The following PRSS53 variants were observed in gnomAD, a reference collection of about 807,000 sequenced individuals.
PRSS53 encodes the protein EDTP308.
PRSS53 carries 54 observed loss-of-function variants against 62.7 expected under a neutral mutation model. That is an observed-to-expected ratio of 0.86 (90% confidence interval 0.69 to 1.08). The LOEUF is 1.08. PRSS53 is among the 50% of genes least tolerant of loss of function. The probability of loss-of-function intolerance (pLI) is 0.00; values close to 1 mark genes in which losing one functional copy is unlikely to be tolerated. For synonymous variants in PRSS53, 273 were observed against 300.0 expected (o/e 0.91, Z 0.93); for missense variants, 688 against 728.3 (o/e 0.94, Z 0.64).
rs1940102289 is a variant in PRSS53 at position 31,087,818 on chromosome 16, C to T, written c.67G>A (p.Ala23Thr). The T allele has an allele frequency of 1.9e-6, 3 of 1,613,856 alleles. No homozygotes were observed. Among genetic ancestry groups the T allele is most frequent in the Admixed American group, 1.7e-5 (1 of 60,002 alleles). ...CCCCAGACCTTACCACGCTGAGCGG[C>T]TTGAAGACCTGGGAAGAGAGAGACA... Residue 23 changes from alanine to threonine, a missense_variant, in exon 2 of 11, where the codon GCC becomes ACC. By Grantham distance (58) the Ala-to-Thr change is moderately conservative. Transcript: ENST00000280606.
chr16:31,088,786 C>G, exon 1 of PRSS53: 1 of 1,613,846 alleles, frequency 6.2e-7, no homozygotes, highest in Non-Finnish European at 8.5e-7. Flanking sequence ...CGATGAGCAG[C>G]ACTGGGCCCC....
intron 1 of PRSS53, chr16:31,088,124 C>T: frequency 7.4e-7 from 1 of 1,357,496 alleles, no homozygotes; most frequent in South Asian, 1.5e-5. Flanking sequence ...CAACTCCTGC[C>T]CCCGCCACTG....
intron 1 of PRSS53, chr16:31,088,095 C>CT: frequency 7.2e-7 from 1 of 1,387,666 alleles, no homozygotes; most frequent in Non-Finnish European, 9.3e-7. Flanking sequence ...GCCAGCCCTC[C>CT]TCCAGGCTTC....
Position 31,084,293 on chromosome 16 carries a change from A to G in PRSS53, c.1468T>C (p.Trp490Arg). 8 of 1,613,028 alleles carry G rather than the reference A, an allele frequency of 5.0e-6. No individual in the cohort carries two copies. In the South Asian group the frequency reaches 8.8e-5, roughly 18 times the overall value. ...AAGCTGTGCAGCCCGGCCAGGAACCATGTGCCCCTCACCTCATGCACCAGT... is the reference window on the plus strand; with the variant it reads ...AAGCTGTGCAGCCCGGCCAGGAACCGTGTGCCCCTCACCTCATGCACCAGT... The change falls in exon 10 of 11, where the codon TGG becomes CGG. Residue 490 changes from tryptophan to arginine, a missense_variant. By Grantham distance (101) the Trp-to-Arg change is moderately radical. Transcript: ENST00000280606.
At chr16:31,085,404 T>C in intron 6 of PRSS53, 144 bp from the exon 7 acceptor site, 1 of 1,034,240 alleles carries the variant, frequency 9.7e-7, no homozygotes, top group Non-Finnish European at 1.3e-6. Context: ...GAGACTTCCT[T>C]GCTCTGTAAC....
In PRSS53 at chr16:31,084,105, C is replaced by T. The variant is rs947831141; in HGVS notation, c.1642+14G>A. 6.4e-7 allele frequency: 1 copy of T among 1,559,852 alleles called. No homozygotes were observed. Among genetic ancestry groups the T allele is most frequent in the Non-Finnish European group, 8.7e-7 (1 of 1,152,688 alleles). On this transcript the variant is annotated intron_variant, in intron 10 of 10. Transcript: ENST00000280606. ...GAGAGGCAGGGTTTGGCAGGAGGCCCCGGGGCCACATACTTATGTTGGCCA... is the reference window on the plus strand; with the variant it reads ...GAGAGGCAGGGTTTGGCAGGAGGCCTCGGGGCCACATACTTATGTTGGCCA...
rs11150606 is a variant in PRSS53, at chr16:31,087,690, T to C, written c.89A>G (p.Gln30Arg). ...AGGCTTGGGGGGGCCGGGGCCACGC[T>C]GTCCACAGGCTGTGGAAAGGAGTTA... Residue 30 changes from glutamine to arginine, a missense_variant, in exon 3 of 11, where the codon CAG (glutamine) becomes CGG (arginine). Gln to Arg is a conservative substitution (Grantham distance 43, BLOSUM62 1). Coordinates refer to ENST00000280606, the Ensembl canonical transcript of PRSS53. The C allele has an allele frequency of 0.051, 82,234 of 1,612,712 alleles. 17,080 individuals are homozygous for C. The East Asian group carries it at 0.79, about 15-fold the overall frequency.
chr16:31,087,025 C>G (rs1023229776), intron 3 of PRSS53, 127 bp from the exon 4 acceptor site: 5 of 1,014,604 alleles, frequency 4.9e-6, no homozygotes, highest in Non-Finnish European at 7.0e-6. Flanking sequence ...GAGGTAGGGT[C>G]TCGTCCTGTC....
chr16:31,084,152 C>T (rs773320432), exon 10 of PRSS53: 31 of 1,593,814 alleles, frequency 1.9e-5, no homozygotes, highest in Middle Eastern at 3.3e-4. Flanking sequence ...GGCTCAGCCT[C>T]GGGCTCTGGT....
At position 31,088,657 on chromosome 16, in the gene PRSS53, G is replaced by A. The variant is rs1215940339; in HGVS notation, c.58+95C>T. On this transcript the variant is annotated intron_variant, in intron 1 of 10. Transcript: ENST00000280606. ...CCCACTGGTGGACTGTCGCCCACAG[G>A]CGGTCCCCCCACCAAGAAGCAGGGA... 7 of 1,591,942 alleles carry A rather than the reference G, an allele frequency of 4.4e-6. No individual in the cohort carries two copies. In the East Asian group the frequency reaches 1.6e-4, roughly 36 times the overall value.
chr16:31,087,441 T>G, intron 3 of PRSS53, 96 bp downstream of exon 3: 1 of 862,804 alleles, frequency 1.2e-6, no homozygotes, highest in East Asian at 2.6e-5. Flanking sequence ...GGTTCTTTAT[T>G]ATTACTCTAG....
chr16:31,083,850 C>A, intron 10 of PRSS53, 41 bp from the exon 11 acceptor site: 1 of 1,611,414 alleles, frequency 6.2e-7, no homozygotes, highest in Non-Finnish European at 8.5e-7. Context: ...CTCATCCTCA[C>A]GGCTTTGGTC....
At chr16:31,083,977 A>C in intron 10 of PRSS53, 142 bp downstream of exon 10, 1 of 1,500,494 alleles carries the variant, frequency 6.7e-7, no homozygotes. Flanking sequence ...GATGACAAAG[A>C]ACCAGAATCT....
chr16:31,085,317 A>G, intron 6 of PRSS53, 57 bp from the exon 7 acceptor site: 1 of 1,465,912 alleles, frequency 6.8e-7, no homozygotes, highest in Non-Finnish European at 9.0e-7. Flanking sequence ...ACTTCCCATC[A>G]AATCCTCACA....
intron 6 of PRSS53, 50 bp downstream of exon 6, chr16:31,085,914 G>A: frequency 1.3e-6 from 2 of 1,529,522 alleles, no homozygotes; most frequent in South Asian, 1.1e-5. Context: ...TCCTAACTGA[G>A]GTTTGCTTCA....
exon 1 of PRSS53, chr16:31,088,882 T>G: frequency 3.1e-6 from 5 of 1,595,826 alleles, no homozygotes; most frequent in Non-Finnish European, 4.3e-6. Flanking sequence ...GCTCCACCTC[T>G]GCTCCACCTC....
At chr16:31,084,702 G>A (rs1453883014) in exon 9 of PRSS53, 1 of 1,610,474 alleles carries the variant, frequency 6.2e-7, no homozygotes, top group Non-Finnish European at 8.5e-7. Context: ...GGGAGCTGAT[G>A]CCTGTGGAGC....
At position 31,084,763 on chromosome 16, in the gene PRSS53, G is replaced by A. The variant is rs1317911703; in HGVS notation, c.1279+17C>T. 2.5e-6 allele frequency: 4 copies of A among 1,576,100 alleles called. No homozygotes were observed. In the African/African-American group the frequency reaches 5.4e-5, roughly 21 times the overall value. ...GCAGGTTGGATGGACAGCAGCCCTG[G>A]CCCTGTGCCCACCTACCTGCTCCTG... On this transcript the variant is annotated intron_variant, in intron 8 of 10. Coordinates refer to ENST00000280606, the Ensembl canonical transcript of PRSS53.
chr16:31,083,758 T>C lies in PRSS53; in HGVS notation c.*32A>G, dbSNP rs766189014. On this transcript the variant is annotated 3_prime_UTR_variant, in exon 11 of 11. Coordinates refer to ENST00000280606, the Ensembl canonical transcript of PRSS53. ...CAGTAATGCCATTTGCCTGCCTGCA[T>C]TCTCTTGTCCTGAGAATGGCCAGGT... 6.2e-6 allele frequency: 10 copies of C among 1,614,134 alleles called. No homozygotes were observed. The South Asian group carries it at 1.1e-4, about 18-fold the overall frequency.
Sources: gnomAD v4.1 joint callset for allele counts on GRCh38, gnomAD v4.1.1 for gene constraint, MANE v1.5 for transcripts, NCBI Gene and HGNC (gene_info 2026-07-23, HGNC 2026-07-21) for gene names.